EMG1: variants seen among roughly 807,000 people sequenced by gnomAD.
The protein encoded by EMG1 is EMG1 N1-specific pseudouridine methyltransferase.
In EMG1, 24 loss-of-function variants were observed where a neutral mutation model predicts 26.9. That is an observed-to-expected ratio of 0.89 (90% CI 0.65 to 1.26). The LOEUF is 1.26. Among genes scored for constraint, EMG1 ranks in the 50% most tolerant of loss-of-function variants. The pLI is 0.00. For missense variants in EMG1, 299 were observed against 307.6 expected, an observed-to-expected ratio of 0.97 and a Z score of 0.21; for synonymous variants, 140 against 112.6, an observed-to-expected ratio of 1.24 and a Z score of -1.54.
intron 1 of EMG1, among the ~76,000 whole-genome samples, chr12:6,971,724 A>G (rs1300034860): frequency 2.0e-5 from 3 of 152,202 alleles, no homozygotes; most frequent in African/African-American, 7.2e-5. Flanking sequence ...AAGACAAGTT[A>G]CTGGGCAGAT....
At chr12:6,992,109 C>T (rs1231184965), downstream of EMG1, among the ~76,000 whole-genome samples, 1 of 151,866 alleles carries the variant, frequency 6.6e-6, no homozygotes, top group Non-Finnish European at 1.5e-5. Flanking sequence ...ACATTTGATA[C>T]AATTAACAAT....
intron 6 of EMG1, among the ~76,000 whole-genome samples, chr12:6,986,612 G>A (rs1426800293): frequency 1.3e-5 from 2 of 151,518 alleles, no homozygotes; most frequent in East Asian, 1.9e-4. Context: ...GTGAAATTCC[G>A]TCTCTACTAA....
downstream of EMG1, chr12:6,981,002 A>C: frequency 6.3e-7 from 1 of 1,584,488 alleles, no homozygotes; most frequent in East Asian, 2.3e-5. Context: ...AGGGGCAATT[A>C]CCTGTTTGGT....
intron 1 of EMG1, among the ~76,000 whole-genome samples, chr12:6,974,040 T>A (rs1463217923): frequency 9.9e-5 from 15 of 152,252 alleles, no homozygotes; most frequent in South Asian, 2.1e-4. Flanking sequence ...ACAGGTTTTT[T>A]AATTAAATCC....
chr12:6,995,892 A>AT (rs1946632185), intron 7 of EMG1, among the ~76,000 whole-genome samples: 1 of 152,150 alleles, frequency 6.6e-6, no homozygotes, highest in Non-Finnish European at 1.5e-5. Flanking sequence ...TATTATTAAT[A>AT]TATCATTATT....
downstream of EMG1, among the ~76,000 whole-genome samples, chr12:6,990,996 A>G (rs1257524124): frequency 5.9e-5 from 9 of 151,958 alleles, no homozygotes; most frequent in African/African-American, 2.2e-4. Context: ...TATTAACAGT[A>G]AAACTACTAC....
At chr12:6,990,949 A>T (rs1160207888), downstream of EMG1, among the ~76,000 whole-genome samples, 2 of 150,434 alleles carry the variant, frequency 1.3e-5, no homozygotes, top group Admixed American at 6.6e-5. Context: ...AAATAAAACT[A>T]AAAAAAAAGT....
chr12:6,992,891 A>G (rs781877975), downstream of EMG1, among the ~76,000 whole-genome samples: 2 of 152,238 alleles, frequency 1.3e-5, no homozygotes, highest in Non-Finnish European at 2.9e-5. Flanking sequence ...ATCTTCACAT[A>G]CACTTTAAAT....
At chr12:6,971,274 CTTT>C (rs34818013) in intron 1 of EMG1, among the ~76,000 whole-genome samples, 183 bp downstream of exon 1, 3 of 135,480 alleles carry the variant, frequency 2.2e-5, no homozygotes, top group Admixed American at 7.3e-5. Flanking sequence ...ATTTTTCTTT[CTTT>C]TTTTTTTTTT....
chr12:6,979,419 C>T lies in EMG1; in HGVS notation c.*3610C>T, dbSNP rs1946446574. On this transcript the variant is annotated 3_prime_UTR_variant, in exon 6 of 6. Coordinates refer to ENST00000599672, the MANE Select transcript of EMG1 (RefSeq NM_006331.8). The stretch of plus-strand genomic sequence containing the variant: ...CTATCTGTAGGGATCCTTGCCTGTC[C>T]ATTTTCTAGCTCTGGTGCAGTCATG... 13 of 1,339,042 alleles carry T rather than the reference C, an allele frequency of 9.7e-6. No homozygotes were observed. Among genetic ancestry groups the T allele is most frequent in the Non-Finnish European group, 1.4e-5 (13 of 931,178 alleles). 82.9% of individuals were successfully genotyped at this position (1,339,042 alleles called of 1,614,324 possible). A position where few individuals can be genotyped will look rare whatever the true frequency, so the allele number is the denominator to read the frequency against.
chr12:6,975,297 C>A lies in EMG1; in HGVS notation c.540C>A (p.Ile180=). ...TGAAAGTTGGCACTTCTTTTTCCAT[C>A]CCGGTTGTCAGTGATGTGCGTGAGC... ...GCMKVGTSFS[I]PVVSDVRELV... The change falls in exon 5 of 6, where the codon ATC becomes ATA. Residue 180 remains isoleucine (I), a synonymous_variant. Transcript: ENST00000599672. The A allele has an allele frequency of 6.2e-7, 1 of 1,612,176 alleles. No individual in the cohort carries two copies. Among genetic ancestry groups the A allele is most frequent in the South Asian group, 1.1e-5 (1 of 90,786 alleles).
intron 7 of EMG1, among the ~76,000 whole-genome samples, chr12:6,993,904 G>A (rs781855662): frequency 6.6e-6 from 1 of 152,014 alleles, no homozygotes; most frequent in Admixed American, 6.6e-5. Context: ...GAGCCACTAC[G>A]CCCAGCCTGG....
intron 5 of EMG1, 58 bp downstream of exon 5, chr12:6,975,436 C>G: frequency 6.6e-7 from 1 of 1,506,220 alleles, no homozygotes; most frequent in South Asian, 1.3e-5. Context: ...TATAGAATTC[C>G]CAGAGCAGTA....
chr12:6,985,986 G>A (rs1946521837), intron 6 of EMG1, among the ~76,000 whole-genome samples: 1 of 151,860 alleles, frequency 6.6e-6, no homozygotes, highest in Non-Finnish European at 1.5e-5. Flanking sequence ...TGTTGGCCAG[G>A]CTGGTCTCGA....
chr12:6,992,469 G>A (rs1946598723), downstream of EMG1, among the ~76,000 whole-genome samples: 4 of 152,332 alleles, frequency 2.6e-5, no homozygotes, highest in South Asian at 6.2e-4. Context: ...GTGCTAAGGC[G>A]CCAGCAGTTT....
rs112227150 is a variant in EMG1 at position 6,979,289 on chromosome 12, T to G, written c.*3480T>G. On this transcript the variant is annotated 3_prime_UTR_variant, in exon 6 of 6. Transcript: ENST00000599672. ...CACAGCCCTGTGCCCGCGAAGGTTG[T>G]TCAGTGCTGGCTGATGAACATGTCC... 1 of 605,808 alleles carries G rather than the reference T, an allele frequency of 1.7e-6. No individual in the cohort carries two copies. Among genetic ancestry groups the G allele is most frequent in the Non-Finnish European group, 2.9e-6 (1 of 340,218 alleles). 37.5% of individuals were successfully genotyped at this position (605,808 alleles called of 1,614,324 possible). A position where few individuals can be genotyped will look rare whatever the true frequency, so the allele number is the denominator to read the frequency against.
At chr12:6,989,661 T>A (rs1367888470), downstream of EMG1, among the ~76,000 whole-genome samples, 2 of 151,944 alleles carry the variant, frequency 1.3e-5, no homozygotes, top group African/African-American at 2.4e-5. Context: ...TCTTCAGGGG[T>A]TGTAGTCAAG....
downstream of EMG1, chr12:6,980,823 TG>T: frequency 2.1e-6 from 1 of 482,448 alleles, no homozygotes; most frequent in Non-Finnish European, 3.6e-6. Flanking sequence ...AATGGATAAC[TG>T]GAAGAACCCT....
chr12:6,975,308 G>A lies in EMG1; in HGVS notation c.551G>A (p.Ser184Asn), dbSNP rs781937222. The A allele has an allele frequency of 5.9e-5, 95 of 1,610,976 alleles. No homozygotes were observed. The East Asian group carries it at 1.8e-3, about 30-fold the overall frequency. ...ACTTCTTTTTCCATCCCGGTTGTCAGTGATGTGCGTGAGCTGGTGCCCAGC... is the reference window on the plus strand; with the variant it reads ...ACTTCTTTTTCCATCCCGGTTGTCAATGATGTGCGTGAGCTGGTGCCCAGC... ...VGTSFSIPVV[S>N]DVRELVPSSD... Residue 184 changes from serine (S) to asparagine (N), a missense_variant, in exon 5 of 6, where the codon AGT becomes AAT. Physicochemically the swap from Ser to Asn is conservative, Grantham distance 46 (BLOSUM62 1). Transcript: ENST00000599672.
Sources: gnomAD v4.1 joint callset for allele counts (sites outside exome capture counted in the v4.1 genomes callset) on GRCh38, gnomAD v4.1.1 for gene constraint, MANE v1.5 for transcripts, NCBI Gene and HGNC (gene_info 2026-07-23, HGNC 2026-07-21) for gene names.